The following TCF20 variants were observed in gnomAD, a reference collection of about 807,000 sequenced individuals.
TCF20 encodes the protein transcription factor 20, also known as SPRE-binding protein.
In TCF20, 3 loss-of-function variants were observed where a neutral mutation model predicts 148.6. The observed-to-expected ratio is 0.02, with a 90% CI of 0.01 to 0.05. The LOEUF (loss-of-function observed/expected upper bound fraction) is 0.05, where lower values mean the gene tolerates loss of function less well. Ranked by LOEUF, TCF20 falls within the 10% of genes least tolerant of loss-of-function variation. TCF20 has a pLI of 1.00. For synonymous variants in TCF20, 1,049 were observed against 909.5 expected (o/e 1.15, Z -2.76); for missense variants, 2,350 against 2,429.3 (o/e 0.97, Z 0.69).
In TCF20 at chr22:42,324,175, A is replaced by G. The variant is rs368505283; in HGVS notation, c.-37+19304T>C. ...AGAGGTTATGGTGATGGTGGTGGTG[A>G]TGGAGGTTATGGTGGTGGTGGTGGA... On this transcript the variant is annotated intron_variant, in intron 1 of 1. Coordinates refer to the TCF20 transcript ENST00000515426. 6.2e-3 allele frequency among the ~76,000 whole-genome samples: 430 copies of G among 69,744 alleles called. 4 individuals are homozygous for G. The highest frequency in any genetic ancestry group is 0.049 in the Middle Eastern group (4 of 82). 45.8% of individuals were successfully genotyped at this position (69,744 alleles called of 152,430 possible). A position where few individuals can be genotyped will look rare whatever the true frequency, so the allele number is the denominator to read the frequency against.
chr22:42,223,693 A>C (rs1029219310), intron 1 of TCF20, among the ~76,000 whole-genome samples: 6 of 152,204 alleles, frequency 3.9e-5, no homozygotes, highest in African/African-American at 1.2e-4. Context: ...CATTTTAGAA[A>C]GGAATCTTGA....
intron 2 of TCF20, among the ~76,000 whole-genome samples, chr22:42,182,279 G>A (rs998619219): frequency 1.3e-5 from 2 of 152,178 alleles, no homozygotes; most frequent in South Asian, 4.1e-4. Context: ...ACAGACGTGG[G>A]ACTAATAATA....
chr22:42,270,937 G>A (rs920580933), upstream of TCF20, among the ~76,000 whole-genome samples: 3 of 151,824 alleles, frequency 2.0e-5, no homozygotes, highest in African/African-American at 7.3e-5. Flanking sequence ...TGCGCCTCAG[G>A]GCCGTCTTGG....
chr22:42,177,752 T>C (rs1936534311), intron 3 of TCF20, among the ~76,000 whole-genome samples: 1 of 152,246 alleles, frequency 6.6e-6, no homozygotes, highest in South Asian at 2.1e-4. Flanking sequence ...CCCTGATTCC[T>C]GGCACAGACC....
chr22:42,255,377 T>C (rs1213940226), intron 1 of TCF20, among the ~76,000 whole-genome samples: 1 of 151,920 alleles, frequency 6.6e-6, no homozygotes, highest in Non-Finnish European at 1.5e-5. Context: ...TAGTCCCAGC[T>C]AGTTGGGAGG....
At chr22:42,311,911 T>C (rs1272425522) in intron 1 of TCF20, among the ~76,000 whole-genome samples, 1 of 152,166 alleles carries the variant, frequency 6.6e-6, no homozygotes, top group African/African-American at 2.4e-5. Context: ...AAGGGTCTCC[T>C]TCCTAGAAGG....
chr22:42,209,582 A>C, intron 2 of TCF20, 69 bp downstream of exon 2: 1 of 1,509,174 alleles, frequency 6.6e-7, no homozygotes. Context: ...ATGTAAGAAC[A>C]AAAACATGCA....
intron 1 of TCF20, among the ~76,000 whole-genome samples, chr22:42,235,047 CAGG>C (rs771129970): frequency 2.0e-5 from 3 of 149,800 alleles, no homozygotes; most frequent in African/African-American, 7.4e-5. Context: ...GAGGCTGAGG[CAGG>C]AGAATTGCTT....
At chr22:42,294,635 T>C (rs1340574621) in intron 1 of TCF20, among the ~76,000 whole-genome samples, 2 of 152,188 alleles carry the variant, frequency 1.3e-5, no homozygotes, top group South Asian at 2.1e-4. Flanking sequence ...CGGCCACTGA[T>C]GGAGGCCAGG....
chr22:42,231,711 C>CCT (rs1923418512), intron 1 of TCF20, among the ~76,000 whole-genome samples: 1 of 152,006 alleles, frequency 6.6e-6, no homozygotes, highest in Non-Finnish European at 1.5e-5. Flanking sequence ...GGGTGGATCA[C>CCT]AAGGTCAGCA....
intron 1 of TCF20, among the ~76,000 whole-genome samples, chr22:42,244,588 A>T (rs1924751281): frequency 6.6e-6 from 1 of 152,164 alleles, no homozygotes; most frequent in Non-Finnish European, 1.5e-5. Context: ...AAAAGAAGTA[A>T]ATCTAAAAAC....
intron 1 of TCF20, among the ~76,000 whole-genome samples, chr22:42,269,205 G>T (rs1926456476): frequency 6.6e-6 from 1 of 152,076 alleles, no homozygotes; most frequent in Admixed American, 6.5e-5. Context: ...GTTAACATAA[G>T]GGTCCAATTA....
chr22:42,215,678 G>A (rs1921694254), intron 1 of TCF20, among the ~76,000 whole-genome samples: 1 of 152,014 alleles, frequency 6.6e-6, no homozygotes, highest in Non-Finnish European at 1.5e-5. Flanking sequence ...TCACTGTGCT[G>A]GCCAGGCTGG....
intron 1 of TCF20, among the ~76,000 whole-genome samples, chr22:42,226,186 G>A (rs1386688221): frequency 6.6e-6 from 1 of 152,136 alleles, no homozygotes; most frequent in African/African-American, 2.4e-5. Context: ...CCCAAAAAGG[G>A]GGCAGGAGAA....
rs139618851 is a variant in TCF20 at position 42,169,355 on chromosome 22, G to C, written c.5799+492C>G. ...CTAAATAAACTGGGAAGTGGAGCCC[G>C]AGACAGCCCATCCACTGTGCATCAG... On this transcript the variant is annotated intron_variant, in intron 4 of 5. Transcript: ENST00000677622. 2.1e-4 allele frequency among the ~76,000 whole-genome samples: 32 copies of C among 152,100 alleles called. No homozygotes were observed. In the East Asian group the frequency reaches 4.6e-3, roughly 22 times the overall value.
chr22:42,342,807 T>C (rs1928192112), intron 1 of TCF20, among the ~76,000 whole-genome samples: 1 of 152,204 alleles, frequency 6.6e-6, no homozygotes, highest in Non-Finnish European at 1.5e-5. Flanking sequence ...CCTTCAGGGC[T>C]ACCTACCAGG....
chr22:42,246,624 T>C (rs1924931293), intron 1 of TCF20, among the ~76,000 whole-genome samples: 2 of 152,206 alleles, frequency 1.3e-5, no homozygotes, highest in South Asian at 4.1e-4. Flanking sequence ...GCCAATACCA[T>C]AATCTTGCCC....
intron 1 of TCF20, among the ~76,000 whole-genome samples, chr22:42,235,628 T>C (rs1186729052): frequency 6.6e-6 from 1 of 152,248 alleles, no homozygotes; most frequent in African/African-American, 2.4e-5. Flanking sequence ...TTGATTCTTC[T>C]GGGTCATCTG....
chr22:42,237,945 G>A (rs1016159562), intron 1 of TCF20, among the ~76,000 whole-genome samples: 3 of 152,160 alleles, frequency 2.0e-5, no homozygotes, highest in Admixed American at 6.5e-5. Context: ...AAATTTATGG[G>A]CCCTAGAATT....
Sources: allele counts gnomAD v4.1 joint callset (sites outside exome capture counted in the v4.1 genomes callset), GRCh38; gene constraint gnomAD v4.1.1; transcripts MANE v1.5; gene names NCBI Gene and HGNC (gene_info 2026-07-23, HGNC 2026-07-21).